Variants in KIRREL3 observed in about 807,000 individuals in gnomAD.
KIRREL3 encodes the protein kin of IRRE-like protein 3.
Under a neutral mutation model 89.7 loss-of-function variants are expected in KIRREL3, and 36 were observed. That is an observed-to-expected ratio of 0.40 (90% CI 0.31 to 0.53). The LOEUF is 0.53. Among genes scored for constraint, KIRREL3 ranks in the 20% least tolerant of loss-of-function variants. The pLI, the probability that KIRREL3 is intolerant of heterozygous loss-of-function variation, is 0.49. For synonymous variants in KIRREL3, 445 were observed against 441.4 expected (o/e 1.01, Z -0.10); for missense variants, 864 against 1,056.6 (o/e 0.82, Z 2.53).
In KIRREL3 at chr11:126,802,684, C is replaced by T. The variant is rs1021057699; in HGVS notation, c.55+197771G>A. On this transcript the variant is annotated intron_variant, in intron 1 of 16. Coordinates refer to ENST00000525144, the MANE Select transcript of KIRREL3 (RefSeq NM_032531.4). This position sits in a 1 kb window ranked among gnomAD's most constrained non-coding sequence, Gnocchi z 5.2. ...CTGCTGGGACAGGCTCTGGGCACTG[C>T]AACCCTGAATTGGAATAACTGGATA... Among the ~76,000 whole-genome samples, 10 of 152,210 alleles carry T rather than the reference C, an allele frequency of 6.6e-5. No individual in the cohort carries two copies. The highest frequency in any genetic ancestry group is 2.4e-4 in the African/African-American group (10 of 41,472).
chr11:126,797,457 G>T lies in KIRREL3; in HGVS notation c.55+202998C>A, dbSNP rs1950849974. Among the ~76,000 whole-genome samples, 1 of 152,084 alleles carries T rather than the reference G, an allele frequency of 6.6e-6. No individual in the cohort carries two copies. The highest frequency in any genetic ancestry group is 2.4e-5 in the African/African-American group (1 of 41,416). On this transcript the variant is annotated intron_variant, in intron 1 of 16. Transcript: ENST00000525144. This position sits in a 1 kb window ranked among gnomAD's most constrained non-coding sequence, Gnocchi z 4.9. ...GTCGGGGGCCCTTCAACTTCTGCTT[G>T]CAGAAGCCCGATTCATCTGTTACCT...
In KIRREL3 at chr11:126,669,338, A is replaced by G. The variant is rs1221395161; in HGVS notation, c.56-106426T>C. Among the ~76,000 whole-genome samples the G allele has an allele frequency of 6.6e-6, 1 of 152,150 alleles. No individual in the cohort carries two copies. Among genetic ancestry groups the G allele is most frequent in the East Asian group, 1.9e-4 (1 of 5,194 alleles). On this transcript the variant is annotated intron_variant, in intron 1 of 16. Transcript: ENST00000525144. This position sits in a 1 kb window ranked among gnomAD's most constrained non-coding sequence, Gnocchi z 5.0. ...CGTGCAAGATCTTCCTCCTTCCCTG[A>G]GACACTTACCTCTCCTTTAGTTCTC...
intron 1 of KIRREL3, among the ~76,000 whole-genome samples, chr11:126,618,934 C>G (rs186589825): frequency 6.6e-6 from 1 of 152,202 alleles, no homozygotes; most frequent in East Asian, 1.9e-4. Context: ...ATATTTAATA[C>G]GTGTCCACTG....
At chr11:126,937,907 A>G (rs1177712639) in intron 1 of KIRREL3, among the ~76,000 whole-genome samples, 1 of 152,100 alleles carries the variant, frequency 6.6e-6, no homozygotes, top group Non-Finnish European at 1.5e-5. Flanking sequence ...CCACAAAACA[A>G]AAAACCAAAA....
intron 2 of KIRREL3, among the ~76,000 whole-genome samples, chr11:126,540,241 G>C (rs1336262109): frequency 6.6e-6 from 1 of 152,192 alleles, no homozygotes; most frequent in Non-Finnish European, 1.5e-5. Flanking sequence ...ACACACGTAA[G>C]GAGAAGCTTG....
chr11:126,540,237 G>A (rs571757660), intron 2 of KIRREL3, among the ~76,000 whole-genome samples: 4 of 152,148 alleles, frequency 2.6e-5, no homozygotes, highest in African/African-American at 7.2e-5. Context: ...TGATACACAC[G>A]TAAGGAGAAG....
At position 126,729,949 on chromosome 11, in the gene KIRREL3, T is replaced by G. The variant is rs1267459198; in HGVS notation, c.56-167037A>C. 1.3e-5 allele frequency among the ~76,000 whole-genome samples: 2 copies of G among 152,192 alleles called. No homozygotes were observed. Among genetic ancestry groups the G allele is most frequent in the African/African-American group, 4.8e-5 (2 of 41,436 alleles). On this transcript the variant is annotated intron_variant, in intron 1 of 16. Transcript: ENST00000525144. This position sits in a 1 kb window ranked among gnomAD's most constrained non-coding sequence, Gnocchi z 4.5. Reference sequence around the variant, plus strand: ...CCCTTCCTTGACATTTCTGTGACATTTGGCTCTGTGACGGCTTCCTTCTTC... The same window carrying G: ...CCCTTCCTTGACATTTCTGTGACATGTGGCTCTGTGACGGCTTCCTTCTTC...
At chr11:126,907,847 A>T (rs1946648689) in intron 1 of KIRREL3, among the ~76,000 whole-genome samples, 1 of 151,898 alleles carries the variant, frequency 6.6e-6, no homozygotes, top group Non-Finnish European at 1.5e-5. Flanking sequence ...GAGTTCCCCC[A>T]TCAAGTCCAG....
chr11:126,503,333 C>T (rs1318269996), intron 4 of KIRREL3, among the ~76,000 whole-genome samples: 1 of 152,092 alleles, frequency 6.6e-6, no homozygotes, highest in Non-Finnish European at 1.5e-5. Context: ...GGGTAGGTAC[C>T]CTGGCCTGGG....
chr11:126,530,896 T>G lies in KIRREL3; in HGVS notation c.134-4209A>C, dbSNP rs182673867. ...CCCAGGCTGGAGTGCAGTGGTGCGA[T>G]CTCCGCTCATTGCAACCTTTGCCTC... On this transcript the variant is annotated intron_variant, in intron 2 of 16. Transcript: ENST00000525144. This position sits in a 1 kb window ranked among gnomAD's most constrained non-coding sequence, Gnocchi z 5.8. Among the ~76,000 whole-genome samples, 51 of 152,178 alleles carry G rather than the reference T, an allele frequency of 3.4e-4. No homozygotes were observed. In the East Asian group the frequency reaches 9.5e-3, roughly 28 times the overall value.
At chr11:126,585,218 C>CAGGAATTAACCTTCACCAGGATAGT (rs1344530341) in intron 1 of KIRREL3, among the ~76,000 whole-genome samples, 3 of 130,610 alleles carry the variant, frequency 2.3e-5, no homozygotes, top group East Asian at 2.3e-4. Context: ...CGCGCCCGGC[C>CAGGAATTAACCTTCACCAGGATAGT]TCTTTTTTTT....
intron 1 of KIRREL3, among the ~76,000 whole-genome samples, chr11:126,597,093 A>C (rs1942431564): frequency 6.6e-6 from 1 of 152,226 alleles, no homozygotes; most frequent in South Asian, 2.1e-4. Context: ...AGCCATCACC[A>C]AAATCCCTGT....
chr11:126,595,132 A>G (rs1334062754), intron 1 of KIRREL3, among the ~76,000 whole-genome samples: 1 of 152,256 alleles, frequency 6.6e-6, no homozygotes, highest in Non-Finnish European at 1.5e-5. Context: ...CTCAAGAGCC[A>G]CTTCACCGGC....
intron 1 of KIRREL3, among the ~76,000 whole-genome samples, chr11:126,789,105 C>A (rs550500267): frequency 2.0e-4 from 30 of 152,304 alleles, no homozygotes; most frequent in Non-Finnish European, 4.4e-4. Context: ...ACCATGAGCT[C>A]TTTAGGGGCA....
rs896492885 is a variant in KIRREL3, at chr11:126,998,154, T to C, written c.55+2301A>G. Among the ~76,000 whole-genome samples the C allele has an allele frequency of 5.3e-5, 8 of 152,194 alleles. No individual in the cohort carries two copies. In the South Asian group the frequency reaches 1.7e-3, roughly 31 times the overall value. ...CTGGGTAGAGGTGGGGCACAGTACA[T>C]GAGCTAAGCATATATGTGAGGATGG... is the stretch of plus-strand genomic sequence containing the variant. On this transcript the variant is annotated intron_variant, in intron 1 of 16. Transcript: ENST00000525144.
Position 126,958,307 on chromosome 11 carries a change from G to A in KIRREL3, c.55+42148C>T, listed in dbSNP as rs140816520. On this transcript the variant is annotated intron_variant, in intron 1 of 16. Coordinates refer to ENST00000525144, the MANE Select transcript of KIRREL3 (RefSeq NM_032531.4). The stretch of plus-strand genomic sequence containing the variant: ...GTCCCCAGAGGAGCCCAGATCCTAA[G>A]TGAGTTACATAGAATTACCCTCTTT... 7.0e-3 allele frequency among the ~76,000 whole-genome samples: 1,067 copies of A among 152,360 alleles called. 16 individuals carry two copies. The highest frequency in any genetic ancestry group is 0.024 in the African/African-American group (994 of 41,584).
Position 126,817,369 on chromosome 11 carries a change from G to A in KIRREL3, c.55+183086C>T, listed in dbSNP as rs150150096. On this transcript the variant is annotated intron_variant, in intron 1 of 16. Transcript: ENST00000525144. This position sits in a 1 kb window ranked among gnomAD's most constrained non-coding sequence, Gnocchi z 5.7. ...TGATGATGACAGCCAGTCAACAGAAGCTGATGGTGACTTAGCTGGCATGCT... is the reference window on the plus strand; with the variant it reads ...TGATGATGACAGCCAGTCAACAGAAACTGATGGTGACTTAGCTGGCATGCT... Among the ~76,000 whole-genome samples the A allele has an allele frequency of 7.2e-4, 110 of 152,330 alleles. 1 individual carries two copies. The highest frequency in any genetic ancestry group is 2.6e-3 in the African/African-American group (108 of 41,582).
At chr11:126,511,047 C>CTGTGTG (rs55885385) in intron 4 of KIRREL3, among the ~76,000 whole-genome samples, 8,558 of 142,208 alleles carry the variant, frequency 0.06, 323 homozygotes, top group Admixed American at 0.13. Context: ...ATCTGCAGTG[C>CTGTGTG]TGTGTGTGTG....
rs1226395420 is a variant in KIRREL3, at chr11:126,609,304, A to G, written c.56-46392T>C. Among the ~76,000 whole-genome samples, 1 of 152,102 alleles carries G rather than the reference A, an allele frequency of 6.6e-6. No homozygotes were observed. The highest frequency in any genetic ancestry group is 1.5e-5 in the Non-Finnish European group (1 of 68,032). Reference sequence around the variant, plus strand: ...AGCCTCTTGCAGAGAGGGCTAATGTATGTCTTCCCCCCGGGCTGGTGGCTG... The same window carrying G: ...AGCCTCTTGCAGAGAGGGCTAATGTGTGTCTTCCCCCCGGGCTGGTGGCTG... On this transcript the variant is annotated intron_variant, in intron 1 of 16. Coordinates refer to ENST00000525144, the MANE Select transcript of KIRREL3 (RefSeq NM_032531.4). This position sits in a 1 kb window ranked among gnomAD's most constrained non-coding sequence, Gnocchi z 5.0.
Sources: gnomAD v4.1 joint callset for allele counts (sites outside exome capture counted in the v4.1 genomes callset) on GRCh38, gnomAD v4.1.1 for gene constraint, Gnocchi (gnomAD v3.1) non-coding constraint, MANE v1.5 for transcripts, NCBI Gene and HGNC (gene_info 2026-07-23, HGNC 2026-07-21) for gene names.